The following SMAD2 variants were observed in gnomAD, a reference collection of about 807,000 sequenced individuals.
SMAD2 encodes MAD homolog 2.
A neutral mutation model predicts 64.4 loss-of-function variants in SMAD2; 8 were observed. That is an observed-to-expected ratio of 0.12 (90% CI 0.07 to 0.22). The LOEUF is 0.22. Ranked by LOEUF, SMAD2 falls within the 10% of genes least tolerant of loss-of-function variation. The pLI, the probability that SMAD2 is intolerant of heterozygous loss-of-function variation, is 1.00. For synonymous variants in SMAD2, 203 were observed against 195.8 expected (o/e 1.04, Z -0.31); for missense variants, 289 against 561.2 (o/e 0.51, Z 4.90).
intron 1 of SMAD2, among the ~76,000 whole-genome samples, chr18:47,899,096 AG>A (rs2033570091): frequency 6.6e-6 from 1 of 152,164 alleles, no homozygotes; most frequent in Admixed American, 6.6e-5. Flanking sequence ...AATACACAAA[AG>A]GAAGAATAGC....
intron 6 of SMAD2, among the ~76,000 whole-genome samples, chr18:47,854,577 G>T: frequency 6.6e-6 from 1 of 151,520 alleles, no homozygotes; most frequent in East Asian, 1.9e-4. Flanking sequence ...TTCTTGATTT[G>T]TAAGTTTTTA....
chr18:47,878,336 T>C (rs1295621677), intron 2 of SMAD2: 1 of 152,244 alleles, frequency 6.6e-6, no homozygotes, highest in African/African-American at 2.4e-5. Flanking sequence ...TTGATGCTCA[T>C]GTAATAAGTA....
At chr18:47,857,184 A>G (rs1486642754) in intron 6 of SMAD2, among the ~76,000 whole-genome samples, 1 of 152,192 alleles carries the variant, frequency 6.6e-6, no homozygotes, top group East Asian at 1.9e-4. Context: ...CTGTATCATA[A>G]TCTTATGTGT....
At chr18:47,882,999 G>T (rs974524347) in intron 2 of SMAD2, among the ~76,000 whole-genome samples, 1 of 152,138 alleles carries the variant, frequency 6.6e-6, no homozygotes, top group African/African-American at 2.4e-5. Flanking sequence ...TGGGCTCTCT[G>T]TCTTTTTCTT....
In SMAD2 at chr18:47,841,774, T is replaced by C. The variant is rs1913976686; in HGVS notation, c.*53A>G. The C allele has an allele frequency of 1.9e-6, 3 of 1,610,062 alleles. No individual in the cohort carries two copies. The highest frequency in any genetic ancestry group is 1.1e-5 in the South Asian group (1 of 90,900). ...TCCATAGGGACCACACACAATGCTA[T>C]GACAGAAGAGTTGTTACATTAAGTC... On this transcript the variant is annotated 3_prime_UTR_variant, in exon 11 of 11. Transcript: ENST00000262160.
chr18:47,838,325 T>G lies in SMAD2; in HGVS notation c.*3502A>C, dbSNP rs570452573. The G allele has an allele frequency of 1.2e-4, 28 of 233,228 alleles. No individual in the cohort carries two copies. The highest frequency in any genetic ancestry group is 1.1e-3 in the Admixed American group (20 of 17,790). The allele number at this position is 233,228 out of a possible 1,614,324, so 14.4% of individuals were successfully genotyped here. ...AAAAACTTACAAAGAAAATTTAGCT[T>G]TCAAGAAAAATTAGGCAGATTTCCT... On this transcript the variant is annotated 3_prime_UTR_variant, in exon 11 of 11. Coordinates refer to ENST00000262160, the MANE Select transcript of SMAD2 (RefSeq NM_005901.6).
Position 47,841,719 on chromosome 18 carries a change from T to C in SMAD2, c.*108A>G. The C allele has an allele frequency of 2.3e-6, 3 of 1,314,984 alleles. No individual in the cohort carries two copies. The highest frequency in any genetic ancestry group is 1.8e-5 in the Admixed American group (1 of 56,412). 81.5% of individuals were successfully genotyped at this position (1,314,984 alleles called of 1,614,324 possible). A position where few individuals can be genotyped will look rare whatever the true frequency, so the allele number is the denominator to read the frequency against. On this transcript the variant is annotated 3_prime_UTR_variant, in exon 11 of 11. Transcript: ENST00000262160. The stretch of plus-strand genomic sequence containing the variant: ...AATTGATGAGACCTCAAGTGCTGTT[T>C]TCTCTCTTGAACTTTTGGATAGTAA...
chr18:47,889,034 A>C (rs1433990684), intron 2 of SMAD2, among the ~76,000 whole-genome samples: 1 of 152,212 alleles, frequency 6.6e-6, no homozygotes, highest in Non-Finnish European at 1.5e-5. Flanking sequence ...GGCTTAACAG[A>C]CTGAATACAG....
rs1164482751 is a variant in SMAD2 at position 47,836,102 on chromosome 18, G to A, written c.*5725C>T. On this transcript the variant is annotated 3_prime_UTR_variant, in exon 11 of 11. Transcript: ENST00000262160. ...AATATACTCCAGCGAGATCACCTGT[G>A]GGTCAAGGATGGCCCAGAGAATCTT... is the stretch of plus-strand genomic sequence containing the variant. 1 of 216,852 alleles carries A rather than the reference G, an allele frequency of 4.6e-6. No individual in the cohort carries two copies. The highest frequency in any genetic ancestry group is 9.3e-6 in the Non-Finnish European group (1 of 107,876). The allele number at this position is 216,852 out of a possible 1,614,324, so 13.4% of individuals were successfully genotyped here. A position where few individuals can be genotyped will look rare whatever the true frequency, so the allele number is the denominator to read the frequency against.
intron 2 of SMAD2, among the ~76,000 whole-genome samples, chr18:47,887,953 AAC>A (rs2032996451): frequency 6.6e-6 from 1 of 152,182 alleles, no homozygotes; most frequent in Non-Finnish European, 1.5e-5. Flanking sequence ...ACAGGTGAGT[AAC>A]AGGTTTTAAC....
In SMAD2 at chr18:47,910,879, T is replaced by G. The variant is rs189715713; in HGVS notation, c.-53-14070A>C. Reference sequence around the variant, plus strand: ...GGAGAGTCAAAAGTTATACACAGATTCTTCACTGTGCAGGACAGCACCCCA... The same window carrying G: ...GGAGAGTCAAAAGTTATACACAGATGCTTCACTGTGCAGGACAGCACCCCA... On this transcript the variant is annotated intron_variant, in intron 1 of 10. Transcript: ENST00000262160. Among the ~76,000 whole-genome samples the G allele has an allele frequency of 1.7e-3, 252 of 152,226 alleles. 6 individuals are homozygous for G. Among genetic ancestry groups the G allele is most frequent in the Admixed American group, 0.013 (201 of 15,294 alleles).
chr18:47,861,059 A>G (rs1434424705), intron 6 of SMAD2, among the ~76,000 whole-genome samples: 1 of 152,156 alleles, frequency 6.6e-6, no homozygotes, highest in Admixed American at 6.6e-5. Context: ...ACTGGGGAAA[A>G]AAAGAAAAAC....
chr18:47,883,612 GTTTTGCTGCATGTATTTTTAAGTTCC>G (rs1218771757), intron 2 of SMAD2, among the ~76,000 whole-genome samples: 3 of 152,030 alleles, frequency 2.0e-5, no homozygotes, highest in Admixed American at 6.6e-5. Flanking sequence ...ATTCTACCCA[GTTTTGCTGCATGTATTTTTAAGTTCC>G]TTTATTAAGC....
At chr18:47,863,463 T>C (rs1305332251) in intron 6 of SMAD2, among the ~76,000 whole-genome samples, 1 of 152,244 alleles carries the variant, frequency 6.6e-6, no homozygotes, top group African/African-American at 2.4e-5. Context: ...TCATTTATCA[T>C]ACATAACGAA....
intron 1 of SMAD2, among the ~76,000 whole-genome samples, chr18:47,916,807 T>C (rs1442893117): frequency 3.3e-5 from 5 of 152,256 alleles, no homozygotes; most frequent in Admixed American, 3.3e-4. Flanking sequence ...CTTTACCTGT[T>C]TCCAAATTTA....
At chr18:47,863,895 C>T (rs1305034135) in intron 6 of SMAD2, among the ~76,000 whole-genome samples, 1 of 151,862 alleles carries the variant, frequency 6.6e-6, no homozygotes. Context: ...TTCCTACTAG[C>T]GATATATGAG....
Position 47,823,329 on chromosome 18 carries a change from G to C in SMAD2, c.*18498C>G. 1 of 152,086 alleles carries C rather than the reference G, an allele frequency of 6.6e-6. No homozygotes were observed. The highest frequency in any genetic ancestry group is 1.9e-4 in the East Asian group (1 of 5,184). 9.4% of individuals were successfully genotyped at this position (152,086 alleles called of 1,614,324 possible). ...AAAATCTGATAAAGTTTACAAATCT[G>C]TTTTATTCTGAACATCTTTGGTAAA... On this transcript the variant is annotated 3_prime_UTR_variant, in exon 11 of 11. Coordinates refer to ENST00000262160, the MANE Select transcript of SMAD2 (RefSeq NM_005901.6).
chr18:47,812,064 A>C lies in SMAD2; in HGVS notation c.*29763T>G, dbSNP rs1912223337. ...GAGGTTTAATTGACTCAACAGTTCC[A>C]CATGGCTGGTGATATAGTTTGGCTG... On this transcript the variant is annotated 3_prime_UTR_variant, in exon 11 of 11. Transcript: ENST00000262160. 6.6e-6 allele frequency: 1 copy of C among 152,224 alleles called. No individual in the cohort carries two copies. Among genetic ancestry groups the C allele is most frequent in the South Asian group, 2.1e-4 (1 of 4,828 alleles). 9.4% of individuals were successfully genotyped at this position (152,224 alleles called of 1,614,324 possible). A position where few individuals can be genotyped will look rare whatever the true frequency, so the allele number is the denominator to read the frequency against.
intron 9 of SMAD2, 72 bp downstream of exon 9, chr18:47,845,591 T>C (rs1914418540): frequency 1.9e-6 from 3 of 1,583,502 alleles, no homozygotes; most frequent in African/African-American, 2.7e-5. Context: ...CATCTACTGA[T>C]TCCTAAAATT....
Sources: allele counts gnomAD v4.1 joint callset (sites outside exome capture counted in the v4.1 genomes callset), GRCh38; gene constraint gnomAD v4.1.1; transcripts MANE v1.5; gene names NCBI Gene and HGNC (gene_info 2026-07-23, HGNC 2026-07-21).